Variants in LARS1 observed in about 807,000 individuals in gnomAD.
LARS1 encodes the protein leucyl-tRNA synthetase 1.
A neutral mutation model predicts 162.8 loss-of-function variants in LARS1; 100 were observed. The observed-to-expected ratio is 0.61, with a 90% CI of 0.52 to 0.73. LARS1 has a LOEUF of 0.73. Ranked by LOEUF, LARS1 falls within the 30% of genes least tolerant of loss-of-function variation. The probability of loss-of-function intolerance (pLI) is 0.00; values close to 1 mark genes in which losing one functional copy is unlikely to be tolerated. For synonymous variants in LARS1, 457 were observed against 462.8 expected (o/e 0.99, Z 0.16); for missense variants, 1,258 against 1,408.9 (o/e 0.89, Z 1.71).
At chr5:146,125,999 C>T (rs1407733765) in intron 28 of LARS1, among the ~76,000 whole-genome samples, 1 of 151,998 alleles carries the variant, frequency 6.6e-6, no homozygotes, top group Non-Finnish European at 1.5e-5. Flanking sequence ...CCCACAAGAA[C>T]TATCTAGCCC....
chr5:146,115,205 T>C (rs1764155675), intron 31 of LARS1, among the ~76,000 whole-genome samples: 1 of 152,110 alleles, frequency 6.6e-6, no homozygotes, highest in Non-Finnish European at 1.5e-5. Flanking sequence ...TTTTTTAGCA[T>C]TATCCTATAT....
chr5:146,175,572 G>C (rs1160225275), intron 2 of LARS1, among the ~76,000 whole-genome samples: 1 of 149,020 alleles, frequency 6.7e-6, no homozygotes, highest in East Asian at 2.0e-4. Flanking sequence ...GGGCGCAGTG[G>C]CTCACGCCTG....
chr5:146,165,708 G>A (rs1306440012), intron 5 of LARS1, among the ~76,000 whole-genome samples: 1 of 152,110 alleles, frequency 6.6e-6, no homozygotes, highest in African/African-American at 2.4e-5. Context: ...AGGCAGTTTT[G>A]GAAAACAGTG....
At position 146,130,098 on chromosome 5, in the gene LARS1, G is replaced by A. The variant is rs144153578; in HGVS notation, c.2548C>T (p.Arg850Trp). 94 of 1,613,618 alleles carry A rather than the reference G, an allele frequency of 5.8e-5. No homozygotes were observed. Among genetic ancestry groups the A allele is most frequent in the Non-Finnish European group, 7.6e-5 (90 of 1,179,750 alleles). ...VEGMHRELVF[R>W]FIEVQTLLLA... Reference sequence around the variant, plus strand: ...AGAAGTGTCTGAACTTCAATAAACCGGAACACAAGTTCTCTGTGCATCCCT... The same window carrying A: ...AGAAGTGTCTGAACTTCAATAAACCAGAACACAAGTTCTCTGTGCATCCCT... The change falls in exon 25 of 32, where the codon CGG becomes TGG. Residue 850 changes from arginine to tryptophan, a missense_variant. By Grantham distance (101) the Arg-to-Trp change is moderately radical (BLOSUM62 -3). Transcript: ENST00000394434.
In LARS1 at chr5:146,159,361, T is replaced by A. The variant is rs13178516; in HGVS notation, c.771+46A>T. ...TTTCTATTTCTTAAACTCTATAGTCTTATTAAGGATTATTATAATAGCTAC... is the reference window on the plus strand; with the variant it reads ...TTTCTATTTCTTAAACTCTATAGTCATATTAAGGATTATTATAATAGCTAC... On this transcript the variant is annotated intron_variant, in intron 8 of 31. Coordinates refer to ENST00000394434, the MANE Select transcript of LARS1 (RefSeq NM_020117.11). The A allele has an allele frequency of 0.27, 386,442 of 1,425,394 alleles. 56,558 individuals are homozygous for A. Among genetic ancestry groups the A allele is most frequent in the Admixed American group, 0.41 (23,561 of 56,916 alleles). The allele number at this position is 1,425,394 out of a possible 1,614,324, so 88.3% of individuals were successfully genotyped here.
At chr5:146,179,797 T>A in intron 1 of LARS1, 1 of 267,282 alleles carries the variant, frequency 3.7e-6, no homozygotes, top group South Asian at 2.9e-5. Context: ...GAGACAGGGT[T>A]TCACCATGTT....
At chr5:146,178,503 A>G (rs1247978096) in intron 1 of LARS1, among the ~76,000 whole-genome samples, 1 of 151,794 alleles carries the variant, frequency 6.6e-6, no homozygotes, top group African/African-American at 2.4e-5. Flanking sequence ...AATCCCAGCT[A>G]CTTGGGAGGC....
intron 5 of LARS1, among the ~76,000 whole-genome samples, chr5:146,167,155 A>G (rs1419659538): frequency 1.3e-5 from 2 of 152,252 alleles, no homozygotes; most frequent in Non-Finnish European, 2.9e-5. Context: ...GTAAGGACAC[A>G]TGACAACTAA....
At chr5:146,127,337 C>T (rs1561799552) in intron 27 of LARS1, among the ~76,000 whole-genome samples, 1 of 152,012 alleles carries the variant, frequency 6.6e-6, no homozygotes, top group Non-Finnish European at 1.5e-5. Flanking sequence ...GGGTGGGAAA[C>T]ACTCCTTTGC....
intron 14 of LARS1, among the ~76,000 whole-genome samples, chr5:146,151,260 G>A (rs537169302): frequency 1.3e-5 from 2 of 152,226 alleles, no homozygotes; most frequent in South Asian, 4.1e-4. Flanking sequence ...CCAGAAAAAT[G>A]TAGGAAAGCT....
rs946827822 is a variant in LARS1, at chr5:146,131,065, T to C, written c.2441A>G (p.Lys814Arg). Reference protein sequence around the residue: ...GIIKTDQNYEKMMFKEALKTG... With the variant: ...GIIKTDQNYERMMFKEALKTG... ...TTTCAAAGCTTCTTTAAACATCATC[T>C]TTTCATAGTTTTGATCTGTTTTTAT... Residue 814 changes from lysine to arginine, a missense_variant, in exon 24 of 32, where the codon AAG becomes AGG. Physicochemically the swap from Lys to Arg is conservative, Grantham distance 26 (BLOSUM62 2). Coordinates refer to ENST00000394434, the MANE Select transcript of LARS1 (RefSeq NM_020117.11). The C allele has an allele frequency of 7.7e-5, 123 of 1,597,414 alleles. No individual in the cohort carries two copies. Among genetic ancestry groups the C allele is most frequent in the Non-Finnish European group, 1.0e-4 (119 of 1,169,586 alleles).
chr5:146,166,695 A>C (rs34404385), intron 5 of LARS1, among the ~76,000 whole-genome samples: 33,847 of 152,156 alleles, frequency 0.22, 4,822 homozygotes, highest in Admixed American at 0.33. Context: ...GTAAAAAGAA[A>C]GAGGAAAATG....
chr5:146,159,033 T>C (rs553520298), intron 8 of LARS1, among the ~76,000 whole-genome samples: 31 of 151,912 alleles, frequency 2.0e-4, no homozygotes, highest in African/African-American at 7.5e-4. Flanking sequence ...GAGGCAGAGC[T>C]TGCAGTGAGC....
At chr5:146,180,181 G>C (rs1221353677) in intron 1 of LARS1, among the ~76,000 whole-genome samples, 1 of 152,204 alleles carries the variant, frequency 6.6e-6, no homozygotes, top group Admixed American at 6.6e-5. Flanking sequence ...GCTGCAGTGA[G>C]CTATGATTGC....
At position 146,154,025 on chromosome 5, in the gene LARS1, T is replaced by C. The variant is rs1414388387; in HGVS notation, c.1066-45A>G. ...ATATAAAAGGTGAAGTAATTCATTG[T>C]GACCATTAGAATTAAAACTATGTTA... On this transcript the variant is annotated intron_variant, in intron 10 of 31. Coordinates refer to ENST00000394434, the MANE Select transcript of LARS1 (RefSeq NM_020117.11). 2.3e-6 allele frequency: 3 copies of C among 1,314,288 alleles called. No homozygotes were observed. In the South Asian group the frequency reaches 3.9e-5, roughly 17 times the overall value. 81.4% of individuals were successfully genotyped at this position (1,314,288 alleles called of 1,614,324 possible).
At chr5:146,139,996 G>A (rs1379008471) in intron 21 of LARS1, among the ~76,000 whole-genome samples, 1 of 151,556 alleles carries the variant, frequency 6.6e-6, no homozygotes, top group Non-Finnish European at 1.5e-5. Flanking sequence ...TGGTAGAGAT[G>A]GGGTCTCACT....
At chr5:146,114,350 C>T in intron 31 of LARS1, 39 bp from the exon 32 acceptor site, 1 of 1,524,916 alleles carries the variant, frequency 6.6e-7, no homozygotes, top group South Asian at 1.1e-5. Flanking sequence ...CATTTAATTA[C>T]AGTCACTCAA....
chr5:146,133,412 T>C (rs116041061), intron 22 of LARS1, among the ~76,000 whole-genome samples: 4,238 of 152,268 alleles, frequency 0.028, 76 homozygotes, highest in Non-Finnish European at 0.039. Context: ...ACACCTTTCA[T>C]TGTGGTTTTC....
chr5:146,161,353 T>A (rs955546675), intron 6 of LARS1, among the ~76,000 whole-genome samples: 6 of 152,190 alleles, frequency 3.9e-5, no homozygotes, highest in African/African-American at 1.4e-4. Context: ...GTTTGCCACA[T>A]CCATTGACTC....
Sources: gnomAD v4.1 joint callset for allele counts (sites outside exome capture counted in the v4.1 genomes callset) on GRCh38, gnomAD v4.1.1 for gene constraint, MANE v1.5 for transcripts, NCBI Gene and HGNC (gene_info 2026-07-23, HGNC 2026-07-21) for gene names.